The following DHRSX variants were observed in gnomAD, a reference collection of about 807,000 sequenced individuals.
DHRSX encodes polyprenol dehydrogenase.
Under a neutral mutation model 34.0 loss-of-function variants are expected in DHRSX, and 31 were observed. That is an observed-to-expected ratio of 0.91 (90% CI 0.69 to 1.23). The LOEUF (loss-of-function observed/expected upper bound fraction) is 1.23, where lower values mean the gene tolerates loss of function less well. Ranked by LOEUF, DHRSX falls within the 50% of genes most tolerant of loss-of-function variation. The probability of loss-of-function intolerance (pLI) is 0.00; values close to 1 mark genes in which losing one functional copy is unlikely to be tolerated. For missense variants in DHRSX, 414 were observed against 428.1 expected, an observed-to-expected ratio of 0.97 and a Z score of 0.29; for synonymous variants, 201 against 183.8, an observed-to-expected ratio of 1.09 and a Z score of -0.76.
chrX:2,220,775 GTAAT>G lies in DHRSX; in HGVS notation c.*262_*265del. 1 of 460,168 alleles carries G rather than the reference GTAAT, an allele frequency of 2.2e-6. No homozygotes were observed. 28.5% of individuals were successfully genotyped at this position (460,168 alleles called of 1,614,324 possible). A position where few individuals can be genotyped will look rare whatever the true frequency, so the allele number is the denominator to read the frequency against. On this transcript the variant is annotated 3_prime_UTR_variant, in exon 7 of 7. Transcript: ENST00000334651. ...AAATGGCACATTTATGTTGGAAAAT[GTAAT>G]TATTTATGGCACCTGTGACAACTGG...
chrX:2,275,022 G>C (rs1341697061), intron 4 of DHRSX, among the ~76,000 whole-genome samples: 1 of 152,108 alleles, frequency 6.6e-6, no homozygotes, highest in Non-Finnish European at 1.5e-5. Flanking sequence ...AGGAGGGATT[G>C]ACGGAAGTCC....
chrX:2,273,463 G>C (rs896932821), intron 4 of DHRSX, among the ~76,000 whole-genome samples: 1 of 152,154 alleles, frequency 6.6e-6, no homozygotes, highest in African/African-American at 2.4e-5. Context: ...GCAAATACAC[G>C]TTCTCACTTG....
At chrX:2,347,056 G>A (rs1262232213) in intron 3 of DHRSX, among the ~76,000 whole-genome samples, 5 of 152,118 alleles carry the variant, frequency 3.3e-5, no homozygotes, top group Non-Finnish European at 2.9e-5. Flanking sequence ...TGGTCAAATA[G>A]TATTTGATAT....
chrX:2,357,103 G>T (rs1397969076), intron 3 of DHRSX, among the ~76,000 whole-genome samples: 2 of 152,068 alleles, frequency 1.3e-5, no homozygotes, highest in East Asian at 3.9e-4. Context: ...AATTAGCCAG[G>T]CATGGTGGCG....
At position 2,408,726 on chromosome X, in the gene DHRSX, T is replaced by C. The variant is rs376325132; in HGVS notation, c.286+19A>G. ...GAAAAAAAAAAACAAAAAAAAGCCA[T>C]TGGAGTATCTCTCGGTACCTTTGTC... On this transcript the variant is annotated intron_variant, in intron 3 of 6. Coordinates refer to ENST00000334651, the MANE Select transcript of DHRSX (RefSeq NM_145177.3). 10 of 1,597,444 alleles carry C rather than the reference T, an allele frequency of 6.3e-6. No individual in the cohort carries two copies. In the African/African-American group the frequency reaches 1.1e-4, roughly 17 times the overall value.
chrX:2,330,042 G>A (rs1238709240), intron 3 of DHRSX, among the ~76,000 whole-genome samples: 1 of 127,262 alleles, frequency 7.9e-6, no homozygotes, highest in Non-Finnish European at 1.6e-5. Context: ...GGACGTCAAT[G>A]AGAGTGAATG....
intron 5 of DHRSX, 95 bp from the exon 6 acceptor site, chrX:2,243,325 T>TGTATACGCAGCCAC (rs2016188224): frequency 1.8e-6 from 2 of 1,082,894 alleles, no homozygotes; most frequent in Admixed American, 2.1e-5. Context: ...CACGGCCACG[T>TGTATACGCAGCCAC]CTATACGCAG....
intron 3 of DHRSX, among the ~76,000 whole-genome samples, chrX:2,391,023 G>A (rs2043329935): frequency 6.6e-6 from 1 of 152,160 alleles, no homozygotes; most frequent in African/African-American, 2.4e-5. Context: ...TCCACCGTTT[G>A]GATATACCAC....
chrX:2,411,554 CAAAAAAAA>C (rs774788900), intron 2 of DHRSX, among the ~76,000 whole-genome samples: 2 of 55,556 alleles, frequency 3.6e-5, no homozygotes, highest in African/African-American at 6.9e-5. Context: ...AACTCTGTCC[CAAAAAAAA>C]AAAAAAAAAA....
At chrX:2,385,804 C>T (rs180959445) in intron 3 of DHRSX, among the ~76,000 whole-genome samples, 188 of 152,090 alleles carry the variant, frequency 1.2e-3, no homozygotes, top group African/African-American at 4.3e-3. Flanking sequence ...TAGAACCAGC[C>T]GATGATGCTT....
At chrX:2,489,910 G>A in intron 1 of DHRSX, 2 of 1,613,900 alleles carry the variant, frequency 1.2e-6, no homozygotes, top group Non-Finnish European at 1.7e-6. Flanking sequence ...CCTTGCCATA[G>A]TTGGTGGTGG....
intron 3 of DHRSX, among the ~76,000 whole-genome samples, chrX:2,295,426 G>T (rs768797068): frequency 6.6e-6 from 1 of 152,122 alleles, no homozygotes; most frequent in Admixed American, 6.6e-5. Flanking sequence ...GGCTTGCTGG[G>T]GGGTGGAGGG....
intron 3 of DHRSX, among the ~76,000 whole-genome samples, chrX:2,293,303 C>G (rs1393599921): frequency 1.4e-5 from 2 of 142,636 alleles, no homozygotes; most frequent in African/African-American, 5.3e-5. Context: ...GGGAGAGGAA[C>G]TAGAAAGAAA....
At chrX:2,301,151 C>T (rs1249656367) in intron 3 of DHRSX, among the ~76,000 whole-genome samples, 3 of 152,252 alleles carry the variant, frequency 2.0e-5, no homozygotes, top group African/African-American at 2.4e-5. Context: ...CAGTGGCTTA[C>T]GCCTGTAATC....
intron 3 of DHRSX, among the ~76,000 whole-genome samples, chrX:2,305,598 C>G (rs180751688): frequency 6.6e-6 from 1 of 152,022 alleles, no homozygotes; most frequent in Admixed American, 6.6e-5. Flanking sequence ...CGCAAATGCC[C>G]GTCATTGATA....
chrX:2,474,850 C>G (rs1036564228), intron 1 of DHRSX, among the ~76,000 whole-genome samples: 1 of 149,840 alleles, frequency 6.7e-6, no homozygotes, highest in Non-Finnish European at 1.5e-5. Context: ...GCTAAGGGAC[C>G]GCCGCCATGT....
At chrX:2,226,445 T>C (rs1334036112) in intron 6 of DHRSX, among the ~76,000 whole-genome samples, 1 of 152,068 alleles carries the variant, frequency 6.6e-6, no homozygotes, top group Non-Finnish European at 1.5e-5. Context: ...CCAGCATTTG[T>C]CTCTCTAATG....
chrX:2,247,419 C>T (rs2124434524), intron 5 of DHRSX, among the ~76,000 whole-genome samples: 1 of 151,902 alleles, frequency 6.6e-6, no homozygotes, highest in East Asian at 1.9e-4. Flanking sequence ...CTTTGGGAGG[C>T]CGAGATGGGC....
At chrX:2,310,874 A>G (rs2042156162) in intron 3 of DHRSX, among the ~76,000 whole-genome samples, 1 of 152,000 alleles carries the variant, frequency 6.6e-6, no homozygotes. Context: ...CAGCCTGGCC[A>G]ACATGGTGAA....
Sources: allele counts gnomAD v4.1 joint callset (sites outside exome capture counted in the v4.1 genomes callset), GRCh38; gene constraint gnomAD v4.1.1; transcripts MANE v1.5; gene names NCBI Gene and HGNC (gene_info 2026-07-23, HGNC 2026-07-21).